Variants in ALDH1A2 observed in about 807,000 individuals in gnomAD.
ALDH1A2 encodes aldehyde dehydrogenase 1 family member A2, also known as retinal dehydrogenase 2.
A neutral mutation model predicts 60.3 loss-of-function variants in ALDH1A2; 27 were observed. The observed-to-expected ratio is 0.45, with a 90% CI of 0.33 to 0.62. The LOEUF is 0.62. ALDH1A2 is among the 20% of genes least tolerant of loss of function. The pLI, the probability that ALDH1A2 is intolerant of heterozygous loss-of-function variation, is 0.02. For missense variants in ALDH1A2, 581 were observed against 643.8 expected (o/e 0.90, Z 1.06); for synonymous variants, 289 against 232.4 (o/e 1.24, Z -2.21).
At chr15:57,978,778 T>C (rs1894369151) in intron 7 of ALDH1A2, among the ~76,000 whole-genome samples, 1 of 152,176 alleles carries the variant, frequency 6.6e-6, no homozygotes, top group Non-Finnish European at 1.5e-5. Context: ...GGCTCACGCC[T>C]GTAATCTCAG....
At chr15:58,010,825 G>A in intron 3 of ALDH1A2, 47 bp from the exon 4 acceptor site, 3 of 1,607,930 alleles carry the variant, frequency 1.9e-6, no homozygotes, top group Non-Finnish European at 2.6e-6. Context: ...GAACTTTCCA[G>A]CGATACACTA....
Position 58,024,764 on chromosome 15 carries a change from A to G in ALDH1A2, c.118-10483T>C, listed in dbSNP as rs186468951. Among the ~76,000 whole-genome samples, 44 of 152,324 alleles carry G rather than the reference A, an allele frequency of 2.9e-4. 1 individual carries two copies. The East Asian group carries it at 6.2e-3, about 21-fold the overall frequency. The stretch of plus-strand genomic sequence containing the variant: ...TACATCCTTTTCATCAGCACATGCA[A>G]TATTCTCCAGAACAGACCATATGTT... On this transcript the variant is annotated intron_variant, in intron 1 of 12. Coordinates refer to ENST00000249750, the MANE Select transcript of ALDH1A2 (RefSeq NM_003888.4).
intron 1 of ALDH1A2, among the ~76,000 whole-genome samples, chr15:58,017,763 G>GTT (rs536889472): frequency 1.3e-5 from 2 of 151,620 alleles, no homozygotes; most frequent in African/African-American, 4.8e-5. Flanking sequence ...TTATTTTGCT[G>GTT]TTTTTTTTAC....
intron 1 of ALDH1A2, among the ~76,000 whole-genome samples, chr15:58,030,646 G>C (rs1896212587): frequency 6.6e-6 from 1 of 152,082 alleles, no homozygotes; most frequent in African/African-American, 2.4e-5. Flanking sequence ...AAACCCCATT[G>C]TGTCAGCCCA....
intron 1 of ALDH1A2, among the ~76,000 whole-genome samples, chr15:58,027,051 T>C (rs1896099071): frequency 6.6e-6 from 1 of 152,184 alleles, no homozygotes; most frequent in South Asian, 2.1e-4. Context: ...GTTTGAGCTA[T>C]GAGAATGGAC....
intron 1 of ALDH1A2, among the ~76,000 whole-genome samples, chr15:58,061,750 T>C (rs552858661): frequency 6.6e-6 from 1 of 152,244 alleles, no homozygotes; most frequent in East Asian, 1.9e-4. Flanking sequence ...TATTTATTTC[T>C]ACTCTCTCTC....
At chr15:58,023,343 G>C (rs1333486025) in intron 1 of ALDH1A2, among the ~76,000 whole-genome samples, 1 of 152,180 alleles carries the variant, frequency 6.6e-6, no homozygotes, top group Admixed American at 6.5e-5. Context: ...CAATTTTAAA[G>C]TGACCAAATT....
intron 3 of ALDH1A2, among the ~76,000 whole-genome samples, chr15:58,011,511 G>A (rs1447361918): frequency 6.6e-6 from 1 of 152,144 alleles, no homozygotes; most frequent in Non-Finnish European, 1.5e-5. Flanking sequence ...AGAGTATTTT[G>A]ACTTGAGAAA....
At chr15:58,065,169 G>A in intron 1 of ALDH1A2, 1 of 299,762 alleles carries the variant, frequency 3.3e-6, no homozygotes, top group Non-Finnish European at 6.5e-6. Context: ...TGGCCAAGCT[G>A]ACGGGGAACC....
intron 12 of ALDH1A2, 92 bp from the exon 13 acceptor site, chr15:57,955,361 C>A: frequency 7.5e-7 from 1 of 1,326,646 alleles, no homozygotes; most frequent in Non-Finnish European, 1.1e-6. Context: ...CAGTTTATCA[C>A]CTGCGAACAG....
chr15:58,023,854 G>C (rs1302788690), intron 1 of ALDH1A2, among the ~76,000 whole-genome samples: 1 of 152,278 alleles, frequency 6.6e-6, no homozygotes, highest in African/African-American at 2.4e-5. Context: ...CATTTTGGGA[G>C]GCCGAGGTGG....
chr15:57,996,456 T>A (rs964284574), intron 4 of ALDH1A2, among the ~76,000 whole-genome samples: 4 of 151,726 alleles, frequency 2.6e-5, no homozygotes, highest in African/African-American at 7.3e-5. Context: ...CTCTTTTTTT[T>A]TATACAAACG....
chr15:57,965,358 G>A lies in ALDH1A2; in HGVS notation c.901+367C>T, dbSNP rs74613402. 3.7e-3 allele frequency among the ~76,000 whole-genome samples: 557 copies of A among 152,322 alleles called. 7 individuals are homozygous for A. Among genetic ancestry groups the A allele is most frequent in the East Asian group, 0.017 (88 of 5,182 alleles). On this transcript the variant is annotated intron_variant, in intron 8 of 12. Transcript: ENST00000249750. ...CGGATTTATTTAAAATGGTCTACCA[G>A]CCACCAGGCACAGTTGAAAAGTTAC...
chr15:58,041,934 A>C (rs1896527951), intron 1 of ALDH1A2, among the ~76,000 whole-genome samples: 1 of 151,976 alleles, frequency 6.6e-6, no homozygotes, highest in African/African-American at 2.4e-5. Flanking sequence ...TATCGTAGTA[A>C]GTTATGTAAA....
At chr15:58,044,833 C>G (rs1896599408) in intron 1 of ALDH1A2, among the ~76,000 whole-genome samples, 1 of 151,904 alleles carries the variant, frequency 6.6e-6, no homozygotes, top group Non-Finnish European at 1.5e-5. Context: ...TTTGGATGAG[C>G]AGAGGGAAAA....
chr15:57,977,008 G>A (rs1361199211), intron 7 of ALDH1A2, among the ~76,000 whole-genome samples: 3 of 152,000 alleles, frequency 2.0e-5, no homozygotes, highest in Admixed American at 2.0e-4. Context: ...TTTCTCTAGT[G>A]ACCAGTAATG....
At chr15:58,013,363 G>T (rs542273022) in intron 3 of ALDH1A2, among the ~76,000 whole-genome samples, 1 of 152,062 alleles carries the variant, frequency 6.6e-6, no homozygotes, top group Admixed American at 6.6e-5. Context: ...TAGAAAAGAA[G>T]GTACTTACCA....
At chr15:58,040,542 A>G (rs987342533) in intron 1 of ALDH1A2, among the ~76,000 whole-genome samples, 1 of 151,934 alleles carries the variant, frequency 6.6e-6, no homozygotes, top group Non-Finnish European at 1.5e-5. Flanking sequence ...TCCTGTCTAA[A>G]GGAATAAGCT....
intron 1 of ALDH1A2, among the ~76,000 whole-genome samples, chr15:58,019,486 C>T (rs1340453884): frequency 1.3e-5 from 2 of 152,132 alleles, no homozygotes; most frequent in African/African-American, 4.8e-5. Context: ...GTGTATCTGA[C>T]CCTAAGTTAC....
Sources: allele counts gnomAD v4.1 joint callset (sites outside exome capture counted in the v4.1 genomes callset), GRCh38; gene constraint gnomAD v4.1.1; transcripts MANE v1.5; gene names NCBI Gene and HGNC (gene_info 2026-07-23, HGNC 2026-07-21).